VCF1: variants seen among roughly 807,000 people sequenced by gnomAD.
The protein encoded by VCF1 is protein VCF1.
At chr17:73,218,259 A>G in the VCF1 span, among the ~76,000 whole-genome samples, 6 of 152,374 alleles carry the variant, frequency 3.9e-5, no homozygotes, top group African/African-American at 1.4e-4. Flanking sequence ...AGAAAACTTC[A>G]GATCTACCAA....
chr17:73,217,410 T>C, the VCF1 span, among the ~76,000 whole-genome samples: 9 of 148,776 alleles, frequency 6.0e-5, no homozygotes, highest in African/African-American at 2.0e-4. Context: ...CCCAGGACTT[T>C]GGAGGCCCAG....
the VCF1 span, among the ~76,000 whole-genome samples, chr17:73,214,936 G>A: frequency 3.3e-5 from 5 of 152,230 alleles, no homozygotes; most frequent in East Asian, 9.6e-4. Flanking sequence ...CGGTTACAAA[G>A]CTCATTTTCT....
chr17:73,224,261 T>TA, the VCF1 span, among the ~76,000 whole-genome samples: 52,701 of 70,202 alleles, frequency 0.75, 18,274 homozygotes, highest in South Asian at 0.81. Context: ...ACGTCGTCTC[T>TA]CCAAAAAAAA....
the VCF1 span, chr17:73,209,211 T>C: frequency 1.2e-5 from 4 of 340,184 alleles, no homozygotes; most frequent in African/African-American, 8.5e-5. Flanking sequence ...GTTGACAGAT[T>C]TGGAAATCAG....
the VCF1 span, among the ~76,000 whole-genome samples, chr17:73,215,976 G>A: frequency 6.6e-6 from 1 of 152,144 alleles, no homozygotes; most frequent in African/African-American, 2.4e-5. Context: ...GTGGGCCCTT[G>A]ACAGGAGTGA....
At chr17:73,231,668 C>A in the VCF1 span, among the ~76,000 whole-genome samples, 1 of 152,278 alleles carries the variant, frequency 6.6e-6, no homozygotes, top group South Asian at 2.1e-4. Context: ...TCTTTCTGAC[C>A]TTGGGGAGCC....
chr17:73,210,756 T>TA, the VCF1 span, among the ~76,000 whole-genome samples: 1,774 of 86,446 alleles, frequency 0.021, 63 homozygotes, highest in East Asian at 0.041. Flanking sequence ...CATGCCTCGT[T>TA]ATTTTTTTTT....
chr17:73,223,971 C>A, the VCF1 span, among the ~76,000 whole-genome samples: 4 of 149,020 alleles, frequency 2.7e-5, no homozygotes, highest in African/African-American at 7.4e-5. Context: ...CAGAGGGAGC[C>A]CCTGCCAGAA....
chr17:73,216,951 A>G, the VCF1 span, among the ~76,000 whole-genome samples: 1 of 152,264 alleles, frequency 6.6e-6, no homozygotes, highest in Non-Finnish European at 1.5e-5. Flanking sequence ...CACCTCAGAC[A>G]GAAATATTAA....
At chr17:73,224,572 T>A in the VCF1 span, among the ~76,000 whole-genome samples, 1 of 152,220 alleles carries the variant, frequency 6.6e-6, no homozygotes, top group African/African-American at 2.4e-5. Context: ...TTGTCTAAAT[T>A]GTTAATATAA....
the VCF1 span, among the ~76,000 whole-genome samples, chr17:73,214,278 G>T: frequency 6.7e-6 from 1 of 148,944 alleles, no homozygotes; most frequent in African/African-American, 2.5e-5. Context: ...CAAATTGAGA[G>T]TGAAACCAGC....
At chr17:73,221,363 GA>G in the VCF1 span, among the ~76,000 whole-genome samples, 1 of 151,294 alleles carries the variant, frequency 6.6e-6, no homozygotes, top group Non-Finnish European at 1.5e-5. Context: ...TGAAAGTAAA[GA>G]ACATTACTCC....
At chr17:73,232,131 C>CGCG in the VCF1 span, 3 of 1,609,952 alleles carry the variant, frequency 1.9e-6, no homozygotes, top group Non-Finnish European at 2.5e-6. Context: ...ATGGAAGCTA[C>CGCG]GCGGCGCCGC....
the VCF1 span, chr17:73,232,215 G>A: frequency 5.0e-6 from 8 of 1,610,992 alleles, no homozygotes; most frequent in Non-Finnish European, 6.8e-6. Flanking sequence ...CTTGGCTCTC[G>A]CAGCCGCTCG....
At chr17:73,227,448 T>C in the VCF1 span, among the ~76,000 whole-genome samples, 6 of 152,166 alleles carry the variant, frequency 3.9e-5, no homozygotes, top group African/African-American at 1.2e-4. Flanking sequence ...AGAGCAAAAA[T>C]ACAAGACAGC....
the VCF1 span, chr17:73,232,099 G>A: frequency 3.1e-6 from 5 of 1,607,402 alleles, no homozygotes; most frequent in Non-Finnish European, 4.2e-6. Context: ...GGACGGAGGC[G>A]CTCGCTCATG....
the VCF1 span, among the ~76,000 whole-genome samples, chr17:73,215,029 A>G: frequency 1.3e-5 from 2 of 152,232 alleles, no homozygotes; most frequent in Non-Finnish European, 2.9e-5. Context: ...AAGAGAATAA[A>G]GCTGCGTGTG....
the VCF1 span, among the ~76,000 whole-genome samples, chr17:73,217,819 A>C: frequency 6.6e-6 from 1 of 151,516 alleles, no homozygotes; most frequent in Non-Finnish European, 1.5e-5. Context: ...TAAAATACAA[A>C]AAGTTAGCCG....
At chr17:73,217,679 C>T in the VCF1 span, among the ~76,000 whole-genome samples, 24 of 150,390 alleles carry the variant, frequency 1.6e-4, no homozygotes, top group African/African-American at 4.9e-4. Flanking sequence ...AAAGGCCAGG[C>T]GCAGTGGCTC....
Sources: gnomAD v4.1 joint callset for allele counts (sites outside exome capture counted in the v4.1 genomes callset) on GRCh38, gnomAD v4.1.1 for gene constraint, MANE v1.5 for transcripts, NCBI Gene and HGNC (gene_info 2026-07-23, HGNC 2026-07-21) for gene names.